The following FIG4 variants were observed in gnomAD, a reference collection of about 807,000 sequenced individuals.
The protein encoded by FIG4 is polyphosphoinositide phosphatase.
A neutral mutation model predicts 118.6 loss-of-function variants in FIG4; 112 were observed. That is an observed-to-expected ratio of 0.94 (90% CI 0.81 to 1.11). The LOEUF is 1.11. Ranked by LOEUF, FIG4 falls within the 50% of genes least tolerant of loss-of-function variation. The pLI, the probability that FIG4 is intolerant of heterozygous loss-of-function variation, is 0.00. For missense variants in FIG4, 969 were observed against 1,111.7 expected (o/e 0.87, Z 1.83); for synonymous variants, 369 against 381.2 (o/e 0.97, Z 0.37).
intron 22 of FIG4, among the ~76,000 whole-genome samples, chr6:109,822,946 A>T (rs1257673102): frequency 6.6e-6 from 1 of 151,698 alleles, no homozygotes; most frequent in African/African-American, 2.4e-5. Context: ...ATCTACACAC[A>T]TGCATACACA....
chr6:109,816,038 C>G (rs1778853795), intron 22 of FIG4, among the ~76,000 whole-genome samples: 1 of 152,014 alleles, frequency 6.6e-6, no homozygotes, highest in African/African-American at 2.4e-5. Flanking sequence ...AATACAGAAT[C>G]CAAGGCCCCA....
Position 109,776,295 on chromosome 6 carries a change from A to G in FIG4, c.1751-627A>G, listed in dbSNP as rs147781444. ...AATTTTGGAATGCTTGAATAGTTAG[A>G]ATGAGGCTGTTACCATGTGCCTTCT... On this transcript the variant is annotated intron_variant, in intron 15 of 22. Transcript: ENST00000230124. Among the ~76,000 whole-genome samples, 176 of 152,300 alleles carry G rather than the reference A, an allele frequency of 1.2e-3. 2 individuals carry two copies. The highest frequency in any genetic ancestry group is 3.4e-3 in the Middle Eastern group (1 of 294).
At chr6:109,807,088 A>C (rs1778585597) in intron 22 of FIG4, among the ~76,000 whole-genome samples, 1 of 152,198 alleles carries the variant, frequency 6.6e-6, no homozygotes, top group South Asian at 2.1e-4. Context: ...ATGTGTCTTT[A>C]TAGTAGAATG....
At chr6:109,820,711 A>G (rs187268631) in intron 22 of FIG4, among the ~76,000 whole-genome samples, 187 of 152,280 alleles carry the variant, frequency 1.2e-3, no homozygotes, top group African/African-American at 4.3e-3. Flanking sequence ...CAGCAGCAGC[A>G]GCATCATTTT....
chr6:109,825,003 ACT>A (rs1322100679), intron 22 of FIG4, 83 bp from the exon 23 acceptor site: 2 of 1,261,618 alleles, frequency 1.6e-6, no homozygotes, highest in East Asian at 4.7e-5. Flanking sequence ...AATGCCAGCG[ACT>A]CTCAAGTGCT....
intron 16 of FIG4, among the ~76,000 whole-genome samples, chr6:109,781,550 A>G (rs577333410): frequency 2.6e-5 from 4 of 151,932 alleles, no homozygotes; most frequent in Non-Finnish European, 5.9e-5. Flanking sequence ...CTGTGTTTTC[A>G]TTGATAAGCA....
At chr6:109,758,898 A>G (rs898171376) in intron 10 of FIG4, among the ~76,000 whole-genome samples, 26 of 152,370 alleles carry the variant, frequency 1.7e-4, no homozygotes, top group African/African-American at 4.6e-4. Context: ...CAAAACCACA[A>G]TGAGATACCA....
At chr6:109,771,453 C>CTCTAAT (rs913250419) in intron 15 of FIG4, among the ~76,000 whole-genome samples, 1 of 144,938 alleles carries the variant, frequency 6.9e-6, no homozygotes, top group Non-Finnish European at 1.5e-5. Flanking sequence ...AGGGAACTTC[C>CTCTAAT]TCTAATTCTT....
intron 7 of FIG4, among the ~76,000 whole-genome samples, chr6:109,739,368 T>G (rs561165995): frequency 2.0e-5 from 3 of 152,292 alleles, no homozygotes; most frequent in African/African-American, 7.2e-5. Flanking sequence ...GTTTTTCGAT[T>G]TTTTCTATCA....
chr6:109,696,307 C>T (rs979469516), intron 1 of FIG4, among the ~76,000 whole-genome samples: 4 of 152,164 alleles, frequency 2.6e-5, no homozygotes, highest in Admixed American at 6.5e-5. Flanking sequence ...AAGTTAGTAT[C>T]AGTTTATTTT....
intron 16 of FIG4, among the ~76,000 whole-genome samples, chr6:109,778,748 A>G (rs551680745): frequency 1.8e-4 from 28 of 152,130 alleles, no homozygotes; most frequent in East Asian, 1.2e-3. Context: ...ATGGGTGCCC[A>G]CCACCATGCC....
intron 15 of FIG4, among the ~76,000 whole-genome samples, chr6:109,768,798 G>A (rs1289692726): frequency 6.6e-6 from 1 of 152,112 alleles, no homozygotes; most frequent in African/African-American, 2.4e-5. Flanking sequence ...AAACACGGGG[G>A]AAATCCACAT....
intron 16 of FIG4, among the ~76,000 whole-genome samples, chr6:109,778,032 C>T (rs946269863): frequency 6.6e-6 from 1 of 152,156 alleles, no homozygotes; most frequent in Non-Finnish European, 1.5e-5. Flanking sequence ...AATTTTGCCA[C>T]ATGAACAAAA....
intron 7 of FIG4, among the ~76,000 whole-genome samples, chr6:109,739,548 G>T (rs112570526): frequency 6.6e-6 from 1 of 152,168 alleles, no homozygotes; most frequent in South Asian, 2.1e-4. Flanking sequence ...AACCAAAAAA[G>T]AAACTTTTGC....
chr6:109,754,617 A>C (rs1184969617), intron 10 of FIG4, among the ~76,000 whole-genome samples: 4 of 152,026 alleles, frequency 2.6e-5, no homozygotes, highest in South Asian at 2.1e-4. Flanking sequence ...ACAATTTCAG[A>C]TCCTGTTATT....
intron 22 of FIG4, among the ~76,000 whole-genome samples, chr6:109,801,041 G>C (rs1778413627): frequency 6.6e-6 from 1 of 152,148 alleles, no homozygotes; most frequent in Non-Finnish European, 1.5e-5. Context: ...ACCAGTTCTT[G>C]AGAGATTTTA....
intron 15 of FIG4, among the ~76,000 whole-genome samples, chr6:109,768,174 TTGGCCTGGGTCC>T (rs1426092050): frequency 6.6e-6 from 1 of 151,950 alleles, no homozygotes; most frequent in Non-Finnish European, 1.5e-5. Context: ...CAGCATGGGG[TTGGCCTGGGTCC>T]TGGCCAGTAA....
At chr6:109,793,958 C>CA (rs2128397766) in intron 21 of FIG4, among the ~76,000 whole-genome samples, 1 of 152,266 alleles carries the variant, frequency 6.6e-6, no homozygotes, top group East Asian at 1.9e-4. Context: ...ACTCTGTAGC[C>CA]AAACTCTGTA....
In FIG4 at chr6:109,749,577, C is replaced by A. The variant is rs893787474; in HGVS notation, c.1137+5805C>A. ...ATTAGTGGATTTAGACAGAGCACGA[C>A]CCTGCCTCAATAATAAAATAAAATA... On this transcript the variant is annotated intron_variant, in intron 10 of 22. Coordinates refer to ENST00000230124, the MANE Select transcript of FIG4 (RefSeq NM_014845.6). 1.1e-4 allele frequency among the ~76,000 whole-genome samples: 3 copies of A among 27,786 alleles called. No homozygotes were observed. The South Asian group carries it at 2.6e-3, about 24-fold the overall frequency. 18.2% of individuals were successfully genotyped at this position (27,786 alleles called of 152,430 possible). A position where few individuals can be genotyped will look rare whatever the true frequency, so the allele number is the denominator to read the frequency against.
Sources: allele counts gnomAD v4.1 joint callset (sites outside exome capture counted in the v4.1 genomes callset), GRCh38; gene constraint gnomAD v4.1.1; transcripts MANE v1.5; gene names NCBI Gene and HGNC (gene_info 2026-07-23, HGNC 2026-07-21).